Variants in SETD3 observed in about 807,000 individuals in gnomAD.
SETD3 encodes the protein actin-histidine N-methyltransferase.
A neutral mutation model predicts 63.0 loss-of-function variants in SETD3; 19 were observed. That is an observed-to-expected ratio of 0.30 (90% CI 0.21 to 0.44). The LOEUF (loss-of-function observed/expected upper bound fraction) is 0.44. SETD3 is among the 20% of genes least tolerant of loss of function. The pLI is 1.00. For synonymous variants in SETD3, 286 were observed against 264.1 expected (o/e 1.08, Z -0.80); for missense variants, 587 against 728.5 (o/e 0.81, Z 2.24).
intron 1 of SETD3, among the ~76,000 whole-genome samples, chr14:99,479,892 G>A (rs192317686): frequency 6.6e-6 from 1 of 152,220 alleles, no homozygotes; most frequent in Admixed American, 6.5e-5. Context: ...AACACCGGCC[G>A]GGCAGGGGTG....
rs146757983 is a variant in SETD3, at chr14:99,476,745, T to C, written c.-9+3983A>G. Among the ~76,000 whole-genome samples, 889 of 152,340 alleles carry C rather than the reference T, an allele frequency of 5.8e-3. 6 individuals are homozygous for C. Among genetic ancestry groups the C allele is most frequent in the African/African-American group, 0.02 (848 of 41,572 alleles). Reference sequence around the variant, plus strand: ...CTGAGACTGAACATTGTAAACCATTTAGTCGGAAGACTTTCTTAGACCTGT... The same window carrying C: ...CTGAGACTGAACATTGTAAACCATTCAGTCGGAAGACTTTCTTAGACCTGT... On this transcript the variant is annotated intron_variant, in intron 1 of 12. Coordinates refer to ENST00000331768, the MANE Select transcript of SETD3 (RefSeq NM_032233.3).
At chr14:99,411,852 A>G (rs1892010626) in intron 8 of SETD3, 1 of 152,254 alleles carries the variant, frequency 6.6e-6, no homozygotes, top group Non-Finnish European at 1.5e-5. Flanking sequence ...AAATGTAATT[A>G]TAAAAATGGA....
Position 99,459,200 on chromosome 14 carries a change from A to C in SETD3, c.346-15T>G. On this transcript the variant is annotated splice_polypyrimidine_tract_variant and intron_variant, in intron 4 of 12. Coordinates refer to ENST00000331768, the MANE Select transcript of SETD3 (RefSeq NM_032233.3). ...AATTCTTCTGCCTAGGGAAAAAAAT[A>C]ATAATAGGAGAATCATCAAAACACG... 1 of 1,581,752 alleles carries C rather than the reference A, an allele frequency of 6.3e-7. No individual in the cohort carries two copies.
chr14:99,470,878 T>C (rs370178049), intron 1 of SETD3, among the ~76,000 whole-genome samples: 8 of 152,328 alleles, frequency 5.3e-5, no homozygotes, highest in East Asian at 3.9e-4. Flanking sequence ...GGTTTTCATG[T>C]GGGTTTGCCA....
At chr14:99,469,460 T>G (rs1228649998) in intron 1 of SETD3, among the ~76,000 whole-genome samples, 1 of 152,222 alleles carries the variant, frequency 6.6e-6, no homozygotes, top group East Asian at 1.9e-4. Context: ...ACAAACTGCA[T>G]AGGCTGGGCG....
At chr14:99,402,845 T>C (rs1212116155) in intron 11 of SETD3, among the ~76,000 whole-genome samples, 1 of 152,236 alleles carries the variant, frequency 6.6e-6, no homozygotes, top group Admixed American at 6.5e-5. Flanking sequence ...TGTAGCATCA[T>C]GCCTGGCGCA....
chr14:99,458,595 A>T, intron 5 of SETD3, 60 bp from the exon 6 acceptor site: 1 of 1,558,708 alleles, frequency 6.4e-7, no homozygotes, highest in Non-Finnish European at 8.7e-7. Context: ...ACTTCATTTA[A>T]ATATACGTTT....
At chr14:99,406,437 CTTTTT>C in intron 9 of SETD3, 74 bp downstream of exon 9, 1 of 1,335,242 alleles carries the variant, frequency 7.5e-7, no homozygotes, top group South Asian at 1.2e-5. Context: ...AGTTAAGTTC[CTTTTT>C]AAGATTACCA....
intron 1 of SETD3, among the ~76,000 whole-genome samples, chr14:99,466,391 G>C (rs368338975): frequency 2.7e-4 from 41 of 152,324 alleles, no homozygotes; most frequent in African/African-American, 9.4e-4. Context: ...GCTGATGGCA[G>C]ACCCGGGACT....
chr14:99,483,160 A>G (rs1343851114), upstream of SETD3, among the ~76,000 whole-genome samples: 1 of 152,186 alleles, frequency 6.6e-6, no homozygotes, highest in African/African-American at 2.4e-5. Context: ...CCTATTAATA[A>G]TCTGTTTTAG....
At chr14:99,455,912 T>C (rs1218307719) in intron 6 of SETD3, among the ~76,000 whole-genome samples, 1 of 152,226 alleles carries the variant, frequency 6.6e-6, no homozygotes, top group Admixed American at 6.5e-5. Context: ...CCCAGCACTT[T>C]GGGAGGACAA....
chr14:99,472,865 G>A (rs1232199603), intron 1 of SETD3, among the ~76,000 whole-genome samples: 3 of 152,034 alleles, frequency 2.0e-5, no homozygotes, highest in Admixed American at 6.5e-5. Flanking sequence ...TAAGACAAAA[G>A]AAAATACGAA....
intron 10 of SETD3, 43 bp downstream of exon 10, chr14:99,405,162 T>TC: frequency 6.3e-7 from 1 of 1,589,322 alleles, no homozygotes; most frequent in Non-Finnish European, 8.5e-7. Flanking sequence ...TGGAAATAGT[T>TC]CAAGTACTGC....
At chr14:99,464,658 C>T (rs1356334409) in intron 2 of SETD3, among the ~76,000 whole-genome samples, 2 of 152,232 alleles carry the variant, frequency 1.3e-5, no homozygotes, top group Non-Finnish European at 2.9e-5. Flanking sequence ...GAGGTTTAGC[C>T]TGCCACATAA....
intron 12 of SETD3, among the ~76,000 whole-genome samples, 178 bp downstream of exon 12, chr14:99,399,921 T>C (rs1271662832): frequency 1.3e-5 from 2 of 152,034 alleles, no homozygotes; most frequent in African/African-American, 2.4e-5. Context: ...TCTGTATTTT[T>C]AGTAGAGACG....
chr14:99,439,821 T>C (rs190051120), intron 6 of SETD3, among the ~76,000 whole-genome samples: 11 of 151,920 alleles, frequency 7.2e-5, no homozygotes, highest in Admixed American at 4.6e-4. Context: ...AGACAGGATC[T>C]GGCTTTGTCA....
At position 99,459,129 on chromosome 14, in the gene SETD3, A is replaced by T; in HGVS notation, c.402T>A (p.Ala134=). The change falls in exon 5 of 13, where the codon GCT becomes GCA. Residue 134 remains alanine (A), a synonymous_variant. Transcript: ENST00000331768. ...PRKLLMTVES[A]KNSVLGPLYS... The stretch of plus-strand genomic sequence containing the variant: ...TATTCTCACCCAACACTGAATTTTT[A>T]GCAGATTCAACAGTCATTAGCAATT... 1 of 1,610,374 alleles carries T rather than the reference A, an allele frequency of 6.2e-7. No individual in the cohort carries two copies. Among genetic ancestry groups the T allele is most frequent in the Non-Finnish European group, 8.5e-7 (1 of 1,178,612 alleles).
rs1477856014 is a variant in SETD3 at position 99,419,510 on chromosome 14, T to TCA, written c.676-5578_676-5577dup. 3.9e-5 allele frequency among the ~76,000 whole-genome samples: 6 copies of TCA among 152,244 alleles called. No individual in the cohort carries two copies. The East Asian group carries it at 7.7e-4, about 20-fold the overall frequency. Reference sequence around the variant, plus strand: ...CCTTTTTATGGCCGGGCGCGGTGGCTCACGCCTGTAATCCCAGCACTTTGG... The same window carrying TCA: ...CCTTTTTATGGCCGGGCGCGGTGGCTCACACGCCTGTAATCCCAGCACTTTGG... On this transcript the variant is annotated intron_variant, in intron 6 of 12. Coordinates refer to ENST00000331768, the MANE Select transcript of SETD3 (RefSeq NM_032233.3).
At chr14:99,411,806 T>C (rs966024401) in intron 8 of SETD3, 5 of 152,232 alleles carry the variant, frequency 3.3e-5, no homozygotes, top group Non-Finnish European at 7.3e-5. Context: ...TTAGTATTCA[T>C]TACTAATTAA....
Sources: gnomAD v4.1 joint callset for allele counts (sites outside exome capture counted in the v4.1 genomes callset) on GRCh38, gnomAD v4.1.1 for gene constraint, MANE v1.5 for transcripts, NCBI Gene and HGNC (gene_info 2026-07-23, HGNC 2026-07-21) for gene names.